Variants in GOLGA4 observed in about 807,000 individuals in gnomAD.
GOLGA4 encodes the protein golgin subfamily A member 4.
In GOLGA4, 169 loss-of-function variants were observed where a neutral mutation model predicts 265.9. That is an observed-to-expected ratio of 0.64 (90% CI 0.56 to 0.72). GOLGA4 has a LOEUF of 0.72. Among genes scored for constraint, GOLGA4 ranks in the 30% least tolerant of loss-of-function variants. GOLGA4 has a pLI of 0.00. For missense variants in GOLGA4, 2,482 were observed against 2,483.4 expected (o/e 1.00, Z 0.01); for synonymous variants, 923 against 855.8 (o/e 1.08, Z -1.37).
Position 37,326,776 on chromosome 3 carries a change from G to A in GOLGA4, c.4890G>A (p.Glu1630=), listed in dbSNP as rs766239516. The A allele has an allele frequency of 6.2e-7, 1 of 1,613,664 alleles. No homozygotes were observed. Among genetic ancestry groups the A allele is most frequent in the Admixed American group, 1.7e-5 (1 of 59,982 alleles). ...TAAAGGCATTGGAAGATAGGCTTGAGTCAGAAAGTGCTGCAAAATTAGCAG... is the reference window on the plus strand; with the variant it reads ...TAAAGGCATTGGAAGATAGGCTTGAATCAGAAAGTGCTGCAAAATTAGCAG... The part of the protein sequence containing the change: ...EELKALEDRL[E]SESAAKLAEL... Residue 1630 remains glutamate (E), a synonymous_variant, in exon 14 of 24, where the codon GAG becomes GAA. Transcript: ENST00000361924.
intron 2 of GOLGA4, among the ~76,000 whole-genome samples, chr3:37,258,539 G>A (rs781063690): frequency 9.2e-5 from 14 of 152,026 alleles, no homozygotes; most frequent in Non-Finnish European, 1.3e-4. Flanking sequence ...TGTTGGCCAC[G>A]CTGGCCTGGA....
intron 2 of GOLGA4, chr3:37,266,828 A>C (rs1007188275): frequency 2.5e-6 from 3 of 1,189,250 alleles, no homozygotes; most frequent in African/African-American, 3.1e-5. Flanking sequence ...TGCTTATTAC[A>C]CTGAATGAGA....
At chr3:37,356,660 G>A (rs2097091778) in intron 22 of GOLGA4, among the ~76,000 whole-genome samples, 1 of 152,118 alleles carries the variant, frequency 6.6e-6, no homozygotes, top group Non-Finnish European at 1.5e-5. Flanking sequence ...TTGTATTCAT[G>A]AGTAGAAATT....
At chr3:37,269,706 C>A (rs575122574) in intron 2 of GOLGA4, among the ~76,000 whole-genome samples, 1 of 152,030 alleles carries the variant, frequency 6.6e-6, no homozygotes, top group African/African-American at 2.4e-5. Flanking sequence ...AATTTTACTT[C>A]TAAATATTCG....
chr3:37,261,468 T>C (rs2096769687), intron 2 of GOLGA4, among the ~76,000 whole-genome samples: 1 of 152,230 alleles, frequency 6.6e-6, no homozygotes, highest in African/African-American at 2.4e-5. Context: ...CATTTTCAAC[T>C]AGGGTTTTGT....
intron 22 of GOLGA4, among the ~76,000 whole-genome samples, chr3:37,356,462 T>G (rs911044493): frequency 4.6e-5 from 7 of 152,198 alleles, no homozygotes; most frequent in African/African-American, 1.4e-4. Flanking sequence ...TAGCATTTAA[T>G]TGTTTTTTGT....
intron 21 of GOLGA4, among the ~76,000 whole-genome samples, chr3:37,348,828 C>A (rs1464788250): frequency 6.6e-6 from 1 of 152,106 alleles, no homozygotes; most frequent in African/African-American, 2.4e-5. Context: ...GAGATAGCTA[C>A]GGAGCTTAAC....
At chr3:37,252,256 C>T (rs1195761518) in intron 2 of GOLGA4, among the ~76,000 whole-genome samples, 2 of 150,742 alleles carry the variant, frequency 1.3e-5, no homozygotes, top group South Asian at 2.1e-4. Context: ...TTAGCACTGT[C>T]GTGCTCCCTT....
At chr3:37,266,048 A>AAT (rs1553872781) in intron 2 of GOLGA4, among the ~76,000 whole-genome samples, 4 of 142,856 alleles carry the variant, frequency 2.8e-5, no homozygotes, top group Non-Finnish European at 3.1e-5. Context: ...AAAAAAAAAA[A>AAT]TTTTAACGTT....
At chr3:37,356,227 A>G (rs893402879) in intron 22 of GOLGA4, among the ~76,000 whole-genome samples, 5 of 152,102 alleles carry the variant, frequency 3.3e-5, no homozygotes, top group Non-Finnish European at 5.9e-5. Context: ...TCCCGGCTAA[A>G]TAATACCTCT....
chr3:37,280,378 C>T (rs1167733997), intron 2 of GOLGA4, among the ~76,000 whole-genome samples: 1 of 152,146 alleles, frequency 6.6e-6, no homozygotes, highest in East Asian at 1.9e-4. Flanking sequence ...CACTTTGTTT[C>T]ATGTACAGAA....
At chr3:37,305,676 G>A (rs1048006807) in intron 10 of GOLGA4, among the ~76,000 whole-genome samples, 3 of 152,180 alleles carry the variant, frequency 2.0e-5, no homozygotes, top group African/African-American at 7.2e-5. Flanking sequence ...CTGGCCATGT[G>A]AAGGAAACAT....
intron 22 of GOLGA4, among the ~76,000 whole-genome samples, chr3:37,360,264 A>G (rs2097100983): frequency 6.6e-6 from 1 of 152,118 alleles, no homozygotes; most frequent in African/African-American, 2.4e-5. Flanking sequence ...GATTATATGG[A>G]TGTCCTACAG....
Position 37,268,764 on chromosome 3 carries a change from G to A in GOLGA4, c.163-13194G>A, listed in dbSNP as rs1355481074. Among the ~76,000 whole-genome samples the A allele has an allele frequency of 2.0e-5, 3 of 152,112 alleles. 1 individual carries two copies. The highest frequency in any genetic ancestry group is 2.0e-4 in the Admixed American group (3 of 15,260). ...CTTTTCTATTTTTAGTAGAGATGGG[G>A]TTTCGCCATTTTGGCCAGGCTGGTC... On this transcript the variant is annotated intron_variant, in intron 2 of 23. Transcript: ENST00000361924.
chr3:37,298,015 C>T (rs148176554), intron 7 of GOLGA4, among the ~76,000 whole-genome samples: 171 of 151,280 alleles, frequency 1.1e-3, no homozygotes, highest in Middle Eastern at 6.8e-3. Flanking sequence ...GGCGGCAAAG[C>T]GAGGCTCCGT....
chr3:37,364,042 A>T (rs1696552596), intron 23 of GOLGA4, among the ~76,000 whole-genome samples: 1 of 152,204 alleles, frequency 6.6e-6, no homozygotes, highest in African/African-American at 2.4e-5. Flanking sequence ...AACTAGTTTT[A>T]TAAATAATAT....
chr3:37,342,219 C>T (rs747316279), intron 20 of GOLGA4, among the ~76,000 whole-genome samples: 7 of 152,214 alleles, frequency 4.6e-5, no homozygotes, highest in Admixed American at 2.0e-4. Context: ...TGGCGTACAC[C>T]TGTAATCTCA....
At chr3:37,257,507 C>A (rs1207792582) in intron 2 of GOLGA4, among the ~76,000 whole-genome samples, 2 of 151,994 alleles carry the variant, frequency 1.3e-5, no homozygotes, top group Non-Finnish European at 2.9e-5. Flanking sequence ...AGTAAGAAGG[C>A]ATGTACATCT....
At position 37,325,446 on chromosome 3, in the gene GOLGA4, G is replaced by A. The variant is rs978320666; in HGVS notation, c.3560G>A (p.Ser1187Asn). ...KLKTTDEEFQ[S>N]LKSSHEKSNK... ...AAAACCACAGATGAAGAATTCCAGA[G>A]TTTGAAATCTTCACATGAAAAAAGT... The change falls in exon 14 of 24, where the codon AGT (serine) becomes AAT (asparagine). Residue 1187 changes from serine (S) to asparagine (N), a missense_variant. Ser to Asn is a conservative substitution (Grantham distance 46). Around this residue, in one of 3 missense-constraint regions of GOLGA4, gnomAD observed 1,536 missense variants for 1,483.7 expected, o/e 1.04. Transcript: ENST00000361924. The A allele has an allele frequency of 6.2e-7, 1 of 1,611,098 alleles. No individual in the cohort carries two copies. Among genetic ancestry groups the A allele is most frequent in the Non-Finnish European group, 8.5e-7 (1 of 1,178,888 alleles).
Sources: allele counts gnomAD v4.1 joint callset (sites outside exome capture counted in the v4.1 genomes callset), GRCh38; gene constraint gnomAD v4.1.1; regional missense constraint gnomAD v4.1.1; transcripts MANE v1.5; gene names NCBI Gene and HGNC (gene_info 2026-07-23, HGNC 2026-07-21).